MRTFB: variants seen among roughly 807,000 people sequenced by gnomAD.
The protein encoded by MRTFB is myocardin related transcription factor B, also known as myocardin-related transcription factor B.
A neutral mutation model predicts 104.2 loss-of-function variants in MRTFB; 29 were observed. That is an observed-to-expected ratio of 0.28 (90% confidence interval 0.21 to 0.38). The LOEUF (loss-of-function observed/expected upper bound fraction) is 0.38. Ranked by LOEUF, MRTFB falls within the 10% of genes least tolerant of loss-of-function variation. The pLI, the probability that MRTFB is intolerant of heterozygous loss-of-function variation, is 1.00. For synonymous variants in MRTFB, 535 were observed against 519.5 expected (o/e 1.03, Z -0.41); for missense variants, 1,270 against 1,341.6 (o/e 0.95, Z 0.83).
the MRTFB span, among the ~76,000 whole-genome samples, chr16:14,035,115 C>T: frequency 2.0e-5 from 3 of 152,200 alleles, no homozygotes; most frequent in African/African-American, 2.4e-5. Context: ...TGCAAAACCA[C>T]GAGTAGTGGA....
chr16:14,148,667 G>A (rs1477766058), intron 3 of MRTFB: 1 of 152,614 alleles, frequency 6.6e-6, no homozygotes, highest in Non-Finnish European at 1.5e-5. Context: ...TTATTGACAG[G>A]AAGTGTAGTC....
intron 2 of MRTFB, among the ~76,000 whole-genome samples, chr16:14,100,786 T>C (rs1596825858): frequency 6.6e-6 from 1 of 152,236 alleles, no homozygotes; most frequent in Non-Finnish European, 1.5e-5. Flanking sequence ...TTATTTCTTC[T>C]TGAGTGAGTT....
chr16:14,103,011 A>G (rs2035779390), intron 2 of MRTFB, among the ~76,000 whole-genome samples: 1 of 152,148 alleles, frequency 6.6e-6, no homozygotes, highest in Non-Finnish European at 1.5e-5. Context: ...TCTTTCTTCC[A>G]CATCTGCCTC....
the MRTFB span, among the ~76,000 whole-genome samples, chr16:14,039,114 C>A: frequency 6.6e-6 from 1 of 152,174 alleles, no homozygotes; most frequent in Non-Finnish European, 1.5e-5. Flanking sequence ...CACAGCCAAA[C>A]CATATCAATG....
intron 8 of MRTFB, among the ~76,000 whole-genome samples, chr16:14,223,803 G>T (rs1324993794): frequency 6.6e-6 from 1 of 152,164 alleles, no homozygotes; most frequent in Non-Finnish European, 1.5e-5. Flanking sequence ...AGTAATTAAA[G>T]AAATAATGGC....
chr16:14,027,333 T>G, the MRTFB span, among the ~76,000 whole-genome samples: 1 of 152,050 alleles, frequency 6.6e-6, no homozygotes, highest in Non-Finnish European at 1.5e-5. Context: ...AACAACAAAA[T>G]GATAGGAATG....
chr16:14,010,206 G>A, the MRTFB span, among the ~76,000 whole-genome samples: 1 of 152,118 alleles, frequency 6.6e-6, no homozygotes, highest in Non-Finnish European at 1.5e-5. Flanking sequence ...CTGATGAAAG[G>A]GAATTTAGCC....
At chr16:14,241,914 A>G (rs577368124) in intron 10 of MRTFB, among the ~76,000 whole-genome samples, 198 of 151,540 alleles carry the variant, frequency 1.3e-3, no homozygotes, top group South Asian at 7.3e-3. Context: ...AGCTTTGTCC[A>G]GGCCTTAGGG....
intron 16 of MRTFB, among the ~76,000 whole-genome samples, chr16:14,259,020 C>T (rs2043637920): frequency 6.6e-6 from 1 of 152,054 alleles, no homozygotes; most frequent in South Asian, 2.1e-4. Context: ...CAGAAGTTCT[C>T]CATTTATAGC....
chr16:14,234,716 G>A (rs965936255), intron 9 of MRTFB, among the ~76,000 whole-genome samples: 1 of 152,056 alleles, frequency 6.6e-6, no homozygotes, highest in African/African-American at 2.4e-5. Flanking sequence ...GATCACTTGA[G>A]CCCTGGAGTT....
chr16:14,105,904 T>G (rs1193824431), intron 2 of MRTFB, among the ~76,000 whole-genome samples: 1 of 152,210 alleles, frequency 6.6e-6, no homozygotes, highest in Admixed American at 6.5e-5. Flanking sequence ...GGTTGAACCT[T>G]AAGGTAGAGC....
chr16:14,067,981 G>A (rs375781417), upstream of MRTFB, among the ~76,000 whole-genome samples: 4 of 152,050 alleles, frequency 2.6e-5, no homozygotes, highest in Admixed American at 1.3e-4. Flanking sequence ...ACAGCCGCCC[G>A]CCACCATGCC....
At chr16:14,145,011 T>TAA (rs1327584659) in intron 3 of MRTFB, among the ~76,000 whole-genome samples, 2 of 147,678 alleles carry the variant, frequency 1.4e-5, no homozygotes, top group African/African-American at 4.9e-5. Context: ...TATATATATA[T>TAA]AACTTTTGTC....
intron 2 of MRTFB, among the ~76,000 whole-genome samples, chr16:14,122,378 G>A (rs2036895459): frequency 6.6e-6 from 1 of 151,814 alleles, no homozygotes; most frequent in Non-Finnish European, 1.5e-5. Flanking sequence ...GTGGTTTGCT[G>A]CACCCATCAG....
chr16:14,243,924 A>G (rs192390979), intron 10 of MRTFB, among the ~76,000 whole-genome samples: 25 of 145,416 alleles, frequency 1.7e-4, no homozygotes, highest in Admixed American at 1.2e-3. Flanking sequence ...CAGTGGTGCA[A>G]TCTCGGCTCA....
chr16:14,051,521 A>G, the MRTFB span, among the ~76,000 whole-genome samples: 1 of 151,954 alleles, frequency 6.6e-6, no homozygotes, highest in East Asian at 1.9e-4. Flanking sequence ...ACTCATACAA[A>G]TATACACCCA....
At chr16:14,183,045 C>T (rs185331723) in intron 3 of MRTFB, among the ~76,000 whole-genome samples, 2 of 152,256 alleles carry the variant, frequency 1.3e-5, no homozygotes, top group African/African-American at 2.4e-5. Context: ...GTTCTCAAAG[C>T]ACCTTCCCAC....
intron 2 of MRTFB, among the ~76,000 whole-genome samples, chr16:14,096,927 T>A (rs2035409202): frequency 6.6e-6 from 1 of 152,262 alleles, no homozygotes; most frequent in African/African-American, 2.4e-5. Flanking sequence ...ATATTTGTCC[T>A]GAATTCACTT....
chr16:14,125,372 G>T (rs779973322), intron 2 of MRTFB, among the ~76,000 whole-genome samples: 10 of 152,230 alleles, frequency 6.6e-5, no homozygotes, highest in Non-Finnish European at 1.3e-4. Context: ...TAAATACTGT[G>T]GGCTTGAGGT....
Sources: gnomAD v4.1 joint callset for allele counts (sites outside exome capture counted in the v4.1 genomes callset) on GRCh38, gnomAD v4.1.1 for gene constraint, MANE v1.5 for transcripts, NCBI Gene and HGNC (gene_info 2026-07-23, HGNC 2026-07-21) for gene names.